The following AKAP19 variants were observed in gnomAD, a reference collection of about 807,000 sequenced individuals.
AKAP19 encodes the protein A-kinase anchoring protein 19, also known as small A-kinase anchoring protein.
chr2:190,174,028 A>C, the AKAP19 span, among the ~76,000 whole-genome samples: 2 of 151,546 alleles, frequency 1.3e-5, no homozygotes, highest in Non-Finnish European at 2.9e-5. Flanking sequence ...CATCCCTCCC[A>C]CCAAAACTAC....
At chr2:190,180,783 G>A in the AKAP19 span, 24 of 985,238 alleles carry the variant, frequency 2.4e-5, no homozygotes, top group Non-Finnish European at 2.9e-5. This position sits in a 1 kb window ranked among gnomAD's most constrained non-coding sequence, Gnocchi z 6.8. Flanking sequence ...GAACCCGCGA[G>A]GAGCGCGCGG....
the AKAP19 span, among the ~76,000 whole-genome samples, chr2:190,134,558 C>T: frequency 6.6e-6 from 1 of 151,794 alleles, no homozygotes; most frequent in Admixed American, 6.6e-5. Flanking sequence ...TAATTATTTA[C>T]AGAGAAGCCA....
chr2:189,949,489 A>G, the AKAP19 span, among the ~76,000 whole-genome samples: 1 of 138,486 alleles, frequency 7.2e-6, no homozygotes, highest in Non-Finnish European at 1.5e-5. Context: ...TGGGTGACAG[A>G]GTCTCTGTCT....
the AKAP19 span, among the ~76,000 whole-genome samples, chr2:190,115,465 G>A: frequency 9.4e-5 from 13 of 138,256 alleles, no homozygotes; most frequent in Admixed American, 7.2e-5. Flanking sequence ...GACTACAGGC[G>A]CCCGCCACTA....
At chr2:190,118,031 G>T in the AKAP19 span, among the ~76,000 whole-genome samples, 1 of 152,026 alleles carries the variant, frequency 6.6e-6, no homozygotes, top group Non-Finnish European at 1.5e-5. Context: ...ATGATAAAGG[G>T]GATATCACCA....
At chr2:189,930,287 A>G in the AKAP19 span, 1 of 573,852 alleles carries the variant, frequency 1.7e-6, no homozygotes, top group Non-Finnish European at 2.6e-6. Context: ...GGTTGAAAGC[A>G]GTGCTGCATC....
chr2:190,200,231 C>A, the AKAP19 span: 1 of 1,079,624 alleles, frequency 9.3e-7, no homozygotes, highest in Non-Finnish European at 1.4e-6. Flanking sequence ...TGAAAAAGTA[C>A]AAATAACTAT....
At chr2:189,993,027 G>A in the AKAP19 span, among the ~76,000 whole-genome samples, 2 of 152,120 alleles carry the variant, frequency 1.3e-5, no homozygotes, top group African/African-American at 4.8e-5. Flanking sequence ...TTGCCTGATT[G>A]CTCTGGCTAG....
At chr2:189,970,303 T>C in the AKAP19 span, among the ~76,000 whole-genome samples, 1 of 152,238 alleles carries the variant, frequency 6.6e-6, no homozygotes, top group Admixed American at 6.5e-5. Flanking sequence ...ATTGCTAATG[T>C]TGAAACTCTG....
the AKAP19 span, among the ~76,000 whole-genome samples, chr2:190,011,187 A>G: frequency 1.3e-5 from 2 of 151,092 alleles, no homozygotes; most frequent in African/African-American, 2.4e-5. Flanking sequence ...CCTCCCAAGT[A>G]GCTGGGATTA....
At chr2:190,039,556 A>G in the AKAP19 span, among the ~76,000 whole-genome samples, 1 of 152,086 alleles carries the variant, frequency 6.6e-6, no homozygotes, top group Admixed American at 6.5e-5. Flanking sequence ...AGGTGCATGT[A>G]AAGGTTTGTT....
chr2:189,970,656 A>C, the AKAP19 span, among the ~76,000 whole-genome samples: 1 of 152,340 alleles, frequency 6.6e-6, no homozygotes, highest in South Asian at 2.1e-4. Flanking sequence ...GAACACTGCT[A>C]TGTTAAACAA....
chr2:189,898,698 T>C, the AKAP19 span, among the ~76,000 whole-genome samples: 8 of 152,088 alleles, frequency 5.3e-5, no homozygotes, highest in Admixed American at 5.2e-4. Context: ...AGTTTTTGAG[T>C]CTCTTTCCTC....
At chr2:190,034,132 C>T in the AKAP19 span, among the ~76,000 whole-genome samples, 1 of 151,118 alleles carries the variant, frequency 6.6e-6, no homozygotes, top group Non-Finnish European at 1.5e-5. Flanking sequence ...AAAAAAGAGA[C>T]ATTATGGTGT....
chr2:190,197,269 C>T, the AKAP19 span, among the ~76,000 whole-genome samples: 17 of 152,174 alleles, frequency 1.1e-4, no homozygotes, highest in African/African-American at 4.1e-4. The surrounding 1 kb of genome is among the most constrained non-coding windows in gnomAD (Gnocchi z 4.0). Flanking sequence ...ACTACTGATT[C>T]CTAAGGTGTC....
At chr2:190,135,181 T>A in the AKAP19 span, among the ~76,000 whole-genome samples, 1 of 151,916 alleles carries the variant, frequency 6.6e-6, no homozygotes, top group African/African-American at 2.4e-5. Flanking sequence ...TTTTTCCCAG[T>A]AACTTCTCAG....
chr2:190,123,177 T>G, the AKAP19 span, among the ~76,000 whole-genome samples: 1 of 152,206 alleles, frequency 6.6e-6, no homozygotes, highest in Admixed American at 6.5e-5. Context: ...ATATAACTTA[T>G]TCTGAGTTTT....
At chr2:189,996,038 C>T in the AKAP19 span, among the ~76,000 whole-genome samples, 3 of 152,146 alleles carry the variant, frequency 2.0e-5, no homozygotes, top group Non-Finnish European at 4.4e-5. Context: ...TTCTTTCCTT[C>T]GTCTTGACTT....
the AKAP19 span, among the ~76,000 whole-genome samples, chr2:190,114,089 A>G: frequency 6.6e-6 from 1 of 152,164 alleles, no homozygotes; most frequent in Non-Finnish European, 1.5e-5. Flanking sequence ...AAAATAGCTA[A>G]AGCTTATTGA....
Sources: allele counts gnomAD v4.1 joint callset (sites outside exome capture counted in the v4.1 genomes callset), GRCh38; gene constraint gnomAD v4.1.1; non-coding constraint Gnocchi (gnomAD v3.1); transcripts MANE v1.5; gene names NCBI Gene and HGNC (gene_info 2026-07-23, HGNC 2026-07-21).